Variants in PTCHD1 observed in about 807,000 individuals in gnomAD.
PTCHD1 encodes the protein patched domain containing 1.
PTCHD1 carries 3 observed loss-of-function variants against 34.6 expected under a neutral mutation model. The observed-to-expected ratio is 0.09, with a 90% CI of 0.04 to 0.22. The LOEUF (loss-of-function observed/expected upper bound fraction) is 0.22, where lower values mean the gene tolerates loss of function less well. PTCHD1 is among the 10% of genes least tolerant of loss of function. The pLI, the probability that PTCHD1 is intolerant of heterozygous loss-of-function variation, is 1.00. For missense variants in PTCHD1, 504 were observed against 685.5 expected, an observed-to-expected ratio of 0.74 and a Z score of 2.96; for synonymous variants, 305 against 283.1, an observed-to-expected ratio of 1.08 and a Z score of -0.77.
chrX:23,342,304 ATATATATTT>A (rs1308496734), intron 1 of PTCHD1, among the ~76,000 whole-genome samples: 8 of 10,019 alleles, frequency 8.0e-4, no homozygotes, highest in African/African-American at 2.5e-3. Flanking sequence ...ATATATATAT[ATATATATTT>A]TTTTTTTTTT....
Position 23,379,756 on chromosome X carries a change from A to G in PTCHD1, c.517A>G (p.Ile173Val), listed in dbSNP as rs147324438. The change falls in exon 2 of 3, where the codon ATC (isoleucine) becomes GTC (valine). Residue 173 changes from isoleucine (I) to valine (V), a missense_variant. By Grantham distance (29) the Ile-to-Val change is conservative. Coordinates refer to ENST00000379361, the MANE Select transcript of PTCHD1 (RefSeq NM_173495.3). ...GGCCACCAATCGGACCAATTTTGCT[A>G]TCACATACCCAATCACTCACTTAAA... Reference protein sequence around the residue: ...ARATNRTNFAITYPITHLKDG... With the variant: ...ARATNRTNFAVTYPITHLKDG... 3.1e-4 allele frequency: 376 copies of G among 1,209,297 alleles called. 2 individuals are homozygous for G. The highest frequency in any genetic ancestry group is 7.4e-4 in the South Asian group (42 of 56,745).
intron 1 of PTCHD1, among the ~76,000 whole-genome samples, chrX:23,338,260 A>G (rs1462451921): frequency 8.9e-6 from 1 of 112,123 alleles, no homozygotes; most frequent in African/African-American, 3.2e-5. Flanking sequence ...CTTTACATAC[A>G]TGCTGCTCTT....
At chrX:23,359,383 C>G (rs1486317883) in intron 1 of PTCHD1, among the ~76,000 whole-genome samples, 1 of 111,576 alleles carries the variant, frequency 9.0e-6, no homozygotes, top group Non-Finnish European at 1.9e-5. Context: ...AAGTTGGATT[C>G]CTAGGTGTTT....
chrX:23,395,519 C>T lies in PTCHD1; in HGVS notation c.*1334C>T, dbSNP rs2146654836. 9.0e-6 allele frequency: 1 copy of T among 111,708 alleles called. No homozygotes were observed. The highest frequency in any genetic ancestry group is 3.8e-4 in the South Asian group (1 of 2,628). The allele number at this position is 111,708 out of a possible 1,213,427, so 9.2% of individuals were successfully genotyped here. ...CCTCACCTTGCTGGTCCCCCCCACA[C>T]CTTTTTTGATGTCCTTCTGCGTCAT... On this transcript the variant is annotated 3_prime_UTR_variant, in exon 3 of 3. Coordinates refer to ENST00000379361, the MANE Select transcript of PTCHD1 (RefSeq NM_173495.3).
At chrX:23,370,476 T>C in intron 1 of PTCHD1, among the ~76,000 whole-genome samples, 1 of 112,286 alleles carries the variant, frequency 8.9e-6, no homozygotes, top group Middle Eastern at 4.6e-3. Flanking sequence ...TAGCTTTGTA[T>C]GAGAACCTTG....
At chrX:23,336,902 T>C (rs67301487) in intron 1 of PTCHD1, among the ~76,000 whole-genome samples, 9,188 of 111,298 alleles carry the variant, frequency 0.083, 696 homozygotes, top group African/African-American at 0.24. Context: ...TGCCCCGTCT[T>C]TTGATTGATG....
At chrX:23,339,065 C>G (rs925295448) in intron 1 of PTCHD1, among the ~76,000 whole-genome samples, 16 of 111,472 alleles carry the variant, frequency 1.4e-4, no homozygotes, top group African/African-American at 5.2e-4. Context: ...TTGGCAGGGT[C>G]CAGGTTGACT....
chrX:23,374,877 TA>T, intron 1 of PTCHD1, among the ~76,000 whole-genome samples: 1 of 111,845 alleles, frequency 8.9e-6, no homozygotes, highest in Admixed American at 9.5e-5. Flanking sequence ...ACACCCTTTT[TA>T]ACTGATAAAT....
intron 1 of PTCHD1, among the ~76,000 whole-genome samples, chrX:23,337,313 G>A (rs1921194135): frequency 8.9e-6 from 1 of 112,117 alleles, no homozygotes; most frequent in Non-Finnish European, 1.9e-5. Context: ...CTTATTTCTA[G>A]CTGATGACTC....
intron 1 of PTCHD1, among the ~76,000 whole-genome samples, chrX:23,335,881 T>C: frequency 9.0e-6 from 1 of 111,662 alleles, no homozygotes; most frequent in East Asian, 2.8e-4. Context: ...GGGTATGAAA[T>C]TATGTTTGTA....
chrX:23,356,353 G>C, intron 1 of PTCHD1, among the ~76,000 whole-genome samples: 1 of 112,054 alleles, frequency 8.9e-6, no homozygotes, highest in Non-Finnish European at 1.9e-5. Context: ...AAACACCCTG[G>C]GGACCAGGGA....
chrX:23,353,613 A>AC (rs1242008499), intron 1 of PTCHD1, among the ~76,000 whole-genome samples: 12 of 100,511 alleles, frequency 1.2e-4, no homozygotes, highest in African/African-American at 4.4e-4. Flanking sequence ...ACAAAACAAA[A>AC]AAAAAAAACG....
chrX:23,351,697 G>T (rs564351920), intron 1 of PTCHD1, among the ~76,000 whole-genome samples: 2 of 112,335 alleles, frequency 1.8e-5, no homozygotes, highest in Non-Finnish European at 3.8e-5. Flanking sequence ...ACTGGGTGCC[G>T]CTGCTCAGAG....
At chrX:23,385,865 T>C (rs1231963343) in intron 2 of PTCHD1, among the ~76,000 whole-genome samples, 1 of 111,338 alleles carries the variant, frequency 9.0e-6, no homozygotes, top group Non-Finnish European at 1.9e-5. Flanking sequence ...CCTATGTGCA[T>C]AATATATATT....
chrX:23,348,129 G>A (rs1921525531), intron 1 of PTCHD1, among the ~76,000 whole-genome samples: 1 of 111,584 alleles, frequency 9.0e-6, no homozygotes, highest in African/African-American at 3.3e-5. Flanking sequence ...AAAAGGAAAT[G>A]CTAGAGATAA....
At chrX:23,337,995 G>T (rs758641176) in intron 1 of PTCHD1, among the ~76,000 whole-genome samples, 3 of 111,950 alleles carry the variant, frequency 2.7e-5, no homozygotes, top group Non-Finnish European at 5.6e-5. Flanking sequence ...AAATGTAATT[G>T]AGAGTATTAC....
At chrX:23,388,585 C>T (rs1482735837) in intron 2 of PTCHD1, among the ~76,000 whole-genome samples, 2 of 111,388 alleles carry the variant, frequency 1.8e-5, no homozygotes, top group Admixed American at 1.9e-4. Context: ...AATCCCAGCA[C>T]TTTGGGAGGC....
intron 1 of PTCHD1, among the ~76,000 whole-genome samples, chrX:23,366,382 C>T (rs1922140642): frequency 8.9e-6 from 1 of 112,248 alleles, no homozygotes; most frequent in Non-Finnish European, 1.9e-5. Context: ...GTTCAACTAA[C>T]AAGGCCTTGT....
At chrX:23,377,219 CT>C (rs1465572798) in intron 1 of PTCHD1, among the ~76,000 whole-genome samples, 2 of 112,276 alleles carry the variant, frequency 1.8e-5, no homozygotes, top group Non-Finnish European at 3.8e-5. Flanking sequence ...TATTACACTG[CT>C]CATGGGAACA....
Sources: gnomAD v4.1 joint callset for allele counts (sites outside exome capture counted in the v4.1 genomes callset) on GRCh38, gnomAD v4.1.1 for gene constraint, MANE v1.5 for transcripts, NCBI Gene and HGNC (gene_info 2026-07-23, HGNC 2026-07-21) for gene names.